ITFG1: variants seen among roughly 807,000 people sequenced by gnomAD.
ITFG1 encodes the protein integrin alpha FG-GAP repeat containing 1, also known as T-cell immunomodulatory protein.
Under a neutral mutation model 81.8 loss-of-function variants are expected in ITFG1, and 34 were observed. The ratio of observed to expected loss-of-function variants is 0.42; its 90% CI spans 0.32 to 0.55. The LOEUF (loss-of-function observed/expected upper bound fraction) is 0.55, where lower values mean the gene tolerates loss of function less well. Ranked by LOEUF, ITFG1 falls within the 20% of genes least tolerant of loss-of-function variation. The pLI, the probability that ITFG1 is intolerant of heterozygous loss-of-function variation, is 0.17. For missense variants in ITFG1, 672 were observed against 755.4 expected, an observed-to-expected ratio of 0.89 and a Z score of 1.29; for synonymous variants, 285 against 270.6, an observed-to-expected ratio of 1.05 and a Z score of -0.52.
intron 14 of ITFG1, 21 bp downstream of exon 14, chr16:47,218,847 G>A: frequency 6.9e-7 from 1 of 1,448,690 alleles, no homozygotes; most frequent in South Asian, 1.3e-5. Flanking sequence ...TATACATTAT[G>A]GACAATGTAT....
At chr16:47,353,184 A>G (rs531254898) in intron 8 of ITFG1, among the ~76,000 whole-genome samples, 2 of 152,280 alleles carry the variant, frequency 1.3e-5, no homozygotes, top group South Asian at 2.1e-4. Context: ...CATTGTGCAC[A>G]TGTACCCTAG....
At chr16:47,452,820 T>C in intron 3 of ITFG1, 30 bp from the exon 4 acceptor site, 1 of 1,167,724 alleles carries the variant, frequency 8.6e-7, no homozygotes, top group Non-Finnish European at 1.2e-6. Context: ...ATATATGAAT[T>C]AGCAGGCATT....
intron 10 of ITFG1, among the ~76,000 whole-genome samples, chr16:47,272,009 C>A (rs1301014967): frequency 1.3e-5 from 2 of 152,112 alleles, no homozygotes; most frequent in Non-Finnish European, 2.9e-5. Context: ...GTGCAAAAAA[C>A]CCATATGTCC....
chr16:47,368,887 G>C (rs909263555), intron 7 of ITFG1, among the ~76,000 whole-genome samples: 1 of 152,106 alleles, frequency 6.6e-6, no homozygotes, highest in East Asian at 1.9e-4. Flanking sequence ...ACTTCCAATT[G>C]CTGGAGGAAA....
intron 8 of ITFG1, among the ~76,000 whole-genome samples, chr16:47,341,256 A>AAAATAAAT (rs111605574): frequency 0.019 from 2,912 of 150,752 alleles, 95 homozygotes; most frequent in African/African-American, 0.067. Flanking sequence ...CCATCTGTAA[A>AAAATAAAT]AAATAAATAA....
intron 8 of ITFG1, chr16:47,365,546 A>G (rs1968165487): frequency 5.1e-6 from 2 of 390,340 alleles, no homozygotes; most frequent in African/African-American, 4.0e-5. Flanking sequence ...CTTGTTTTGC[A>G]TATTACTTCT....
At chr16:47,340,689 T>C (rs544695625) in intron 8 of ITFG1, among the ~76,000 whole-genome samples, 3 of 152,278 alleles carry the variant, frequency 2.0e-5, no homozygotes, top group Admixed American at 6.5e-5. Flanking sequence ...TTAATCATCT[T>C]AAGTGTACAT....
intron 12 of ITFG1, among the ~76,000 whole-genome samples, chr16:47,244,293 T>C (rs372549914): frequency 3.3e-5 from 5 of 152,160 alleles, no homozygotes; most frequent in African/African-American, 9.7e-5. Flanking sequence ...CCCTGATTCA[T>C]GGCCAGTTAG....
chr16:47,167,155 A>G (rs1288230710), intron 14 of ITFG1, among the ~76,000 whole-genome samples: 1 of 152,138 alleles, frequency 6.6e-6, no homozygotes, highest in Non-Finnish European at 1.5e-5. Context: ...TACTCTAGAT[A>G]CCTCATATAG....
intron 14 of ITFG1, among the ~76,000 whole-genome samples, chr16:47,169,189 T>C (rs1474728598): frequency 6.6e-6 from 1 of 152,210 alleles, no homozygotes; most frequent in African/African-American, 2.4e-5. Flanking sequence ...TGTTTTTCAA[T>C]ATTGTTTTGG....
chr16:47,409,404 ATTTTTTTTTT>A (rs1187071917), intron 6 of ITFG1, among the ~76,000 whole-genome samples: 12 of 6,102 alleles, frequency 2.0e-3, no homozygotes, highest in African/African-American at 5.4e-3. Flanking sequence ...ATATATATAT[ATTTTTTTTTT>A]TTTTTTTTTT....
chr16:47,184,367 G>A (rs1218532211), intron 14 of ITFG1, among the ~76,000 whole-genome samples: 1 of 152,090 alleles, frequency 6.6e-6, no homozygotes, highest in Admixed American at 6.6e-5. Flanking sequence ...AATGTTAAGG[G>A]CAGCCAGAGA....
chr16:47,325,113 C>A (rs1299197455), intron 8 of ITFG1, among the ~76,000 whole-genome samples: 1 of 152,152 alleles, frequency 6.6e-6, no homozygotes, highest in African/African-American at 2.4e-5. Flanking sequence ...TGTAGAAGAA[C>A]AGAAATTATA....
chr16:47,445,108 C>T (rs1465325654), intron 5 of ITFG1, among the ~76,000 whole-genome samples: 1 of 124,508 alleles, frequency 8.0e-6, no homozygotes, highest in Non-Finnish European at 1.6e-5. Context: ...GAGAAATGTA[C>T]ATTAAAAAAA....
At chr16:47,438,178 G>A (rs779549181) in intron 5 of ITFG1, among the ~76,000 whole-genome samples, 17 of 152,214 alleles carry the variant, frequency 1.1e-4, no homozygotes, top group Non-Finnish European at 1.9e-4. Flanking sequence ...TAAACAAAGC[G>A]TCCTGGAAGC....
chr16:47,306,986 C>T (rs1235313755), intron 10 of ITFG1, among the ~76,000 whole-genome samples: 2 of 147,344 alleles, frequency 1.4e-5, no homozygotes, highest in Non-Finnish European at 3.0e-5. Context: ...CCCAGCTACT[C>T]AGGAGGCTGA....
At chr16:47,460,025 C>T (rs923348166) in intron 1 of ITFG1, among the ~76,000 whole-genome samples, 1 of 152,176 alleles carries the variant, frequency 6.6e-6, no homozygotes, top group East Asian at 1.9e-4. Context: ...AACCCTAAGA[C>T]CCCCTAATGC....
chr16:47,451,597 A>T, intron 4 of ITFG1, 127 bp from the exon 5 acceptor site: 1 of 593,292 alleles, frequency 1.7e-6, no homozygotes, highest in South Asian at 2.1e-5. Flanking sequence ...TCTAGTGATA[A>T]GTATTAAGTC....
intron 6 of ITFG1, among the ~76,000 whole-genome samples, chr16:47,405,616 T>A (rs189765774): frequency 6.6e-6 from 1 of 152,310 alleles, no homozygotes; most frequent in South Asian, 2.1e-4. Context: ...TGAACCTCTG[T>A]ATGTCAGTTT....
Sources: allele counts gnomAD v4.1 joint callset (sites outside exome capture counted in the v4.1 genomes callset), GRCh38; gene constraint gnomAD v4.1.1; transcripts MANE v1.5; gene names NCBI Gene and HGNC (gene_info 2026-07-23, HGNC 2026-07-21).